Variants in WASHC2A observed in about 807,000 individuals in gnomAD.
WASHC2A encodes WASH complex subunit 2A, also known as WASH complex subunit FAM21A.
A neutral mutation model predicts 140.3 loss-of-function variants in WASHC2A; 82 were observed. The observed-to-expected ratio is 0.58, with a 90% CI of 0.49 to 0.70. The LOEUF (loss-of-function observed/expected upper bound fraction) is 0.70. WASHC2A is among the 30% of genes least tolerant of loss of function. WASHC2A has a pLI of 0.00. For synonymous variants in WASHC2A, 340 were observed against 560.8 expected (o/e 0.61, Z 5.56); for missense variants, 985 against 1,521.8 (o/e 0.65, Z 5.87).
intron 17 of WASHC2A, among the ~76,000 whole-genome samples, chr10:50,103,447 C>T (rs2132748519): frequency 6.6e-6 from 1 of 152,222 alleles, no homozygotes; most frequent in East Asian, 1.9e-4. Context: ...GTAGTCTCAG[C>T]TACTCAGGAG....
rs1288557176 is a variant in WASHC2A at position 50,105,940 on chromosome 10, G to A, written c.1738-394G>A. On this transcript the variant is annotated intron_variant, in intron 18 of 30. Transcript: ENST00000282633. The stretch of plus-strand genomic sequence containing the variant: ...CAGCCATTGTTCTGGTTTCTCATTC[G>A]TGGAGACAACAGTGTGAGTTTCTGG... 1.1e-4 allele frequency among the ~76,000 whole-genome samples: 16 copies of A among 151,856 alleles called. No individual in the cohort carries two copies. In the East Asian group the frequency reaches 2.5e-3, roughly 24 times the overall value.
At chr10:50,124,218 C>T (rs1408841115) in intron 23 of WASHC2A, among the ~76,000 whole-genome samples, 1 of 152,012 alleles carries the variant, frequency 6.6e-6, no homozygotes, top group Non-Finnish European at 1.5e-5. Context: ...ATTCTCCCAC[C>T]TCAGCCTCCC....
At chr10:50,089,032 T>C (rs1236562259) in intron 8 of WASHC2A, among the ~76,000 whole-genome samples, 4 of 150,898 alleles carry the variant, frequency 2.7e-5, no homozygotes, top group Non-Finnish European at 4.4e-5. Context: ...TGGCACGATA[T>C]TGGTTCACTA....
intron 21 of WASHC2A, 86 bp from the exon 22 acceptor site, chr10:50,117,820 A>G (rs1554892371): frequency 1.5e-6 from 1 of 674,118 alleles, no homozygotes; most frequent in African/African-American, 1.9e-5. Context: ...CCCTAAGAGG[A>G]TGGTTTGGGC....
Position 50,131,347 on chromosome 10 carries a change from C to T in WASHC2A, c.3886+269C>T, listed in dbSNP as rs1843944703. 6.4e-6 allele frequency: 4 copies of T among 628,648 alleles called. No homozygotes were observed. The Admixed American group carries it at 8.9e-5, about 14-fold the overall frequency. 38.9% of individuals were successfully genotyped at this position (628,648 alleles called of 1,614,324 possible). ...TAACTTTGATCTCAGTGCACCTCACCAATCATCTGTGACACACCCCGGTGT... is the reference window on the plus strand; with the variant it reads ...TAACTTTGATCTCAGTGCACCTCACTAATCATCTGTGACACACCCCGGTGT... On this transcript the variant is annotated intron_variant, in intron 30 of 30. Transcript: ENST00000282633.
chr10:50,103,460 A>T lies in WASHC2A; in HGVS notation c.1636-582A>T, dbSNP rs1361434501. ...CTGTAGTCTCAGCTACTCAGGAGGC[A>T]GAGGCAGGAGAATGGCGTGAATCCG... On this transcript the variant is annotated intron_variant, in intron 17 of 30. Coordinates refer to ENST00000282633, the MANE Select transcript of WASHC2A (RefSeq NM_001005751.3). 6.2e-4 allele frequency among the ~76,000 whole-genome samples: 94 copies of T among 152,226 alleles called. 1 individual carries two copies. Among genetic ancestry groups the T allele is most frequent in the African/African-American group, 2.2e-3 (92 of 41,548 alleles).
At chr10:50,112,151 AG>A (rs1842344466) in intron 20 of WASHC2A, 1 of 984,110 alleles carries the variant, frequency 1.0e-6, no homozygotes, top group Non-Finnish European at 1.2e-6. Context: ...CACTGTATCC[AG>A]GTTAGCTTAT....
intron 13 of WASHC2A, among the ~76,000 whole-genome samples, chr10:50,094,529 C>A (rs1171556484): frequency 3.9e-5 from 6 of 152,164 alleles, no homozygotes; most frequent in African/African-American, 1.4e-4. Context: ...AAATGTTACT[C>A]CATAGGTTTG....
Position 50,095,760 on chromosome 10 carries a change from A to C in WASHC2A, c.1402A>C (p.Ser468Arg). Residue 468 changes from serine to arginine, a missense_variant, in exon 15 of 31, where the codon AGC becomes CGC. Coordinates refer to ENST00000282633, the MANE Select transcript of WASHC2A (RefSeq NM_001005751.3). ...TGACGACTTTTTCTCGGCACCCCAC[A>C]GCAAACCTTCTAAAACAGGTATGTG... ...DDDDFFSAPHSKPSKTGKVQS... is the reference protein window; with the variant it reads ...DDDDFFSAPHRKPSKTGKVQS... 3.7e-6 allele frequency: 6 copies of C among 1,600,642 alleles called. No individual in the cohort carries two copies. The highest frequency in any genetic ancestry group is 1.1e-5 in the South Asian group (1 of 90,506).
At chr10:50,130,263 G>T (rs1843827926) in intron 29 of WASHC2A, among the ~76,000 whole-genome samples, 1 of 149,636 alleles carries the variant, frequency 6.7e-6, no homozygotes, top group South Asian at 2.2e-4. Flanking sequence ...CATGATCATT[G>T]ATACTGGTCT....
At chr10:50,127,465 G>A (rs907031773) in intron 27 of WASHC2A, 118 bp from the exon 28 acceptor site, 11 of 1,609,090 alleles carry the variant, frequency 6.8e-6, no homozygotes, top group Middle Eastern at 2.2e-4. Context: ...ATTTTCCTAC[G>A]TTTCTCTACT....
chr10:50,111,987 C>T (rs1313290435), intron 20 of WASHC2A, among the ~76,000 whole-genome samples: 1 of 152,062 alleles, frequency 6.6e-6, no homozygotes, highest in Non-Finnish European at 1.5e-5. Flanking sequence ...AAGATCTCAC[C>T]ACTGCACTCC....
intron 23 of WASHC2A, among the ~76,000 whole-genome samples, chr10:50,120,215 A>G (rs1842913051): frequency 6.7e-6 from 1 of 148,180 alleles, no homozygotes; most frequent in Non-Finnish European, 1.5e-5. Context: ...TTTGCAGCCT[A>G]TTTGGGCTCT....
chr10:50,097,874 G>A, intron 16 of WASHC2A, 72 bp downstream of exon 16: 12 of 1,609,460 alleles, frequency 7.5e-6, no homozygotes, highest in Non-Finnish European at 1.0e-5. Flanking sequence ...TGAACCCAGA[G>A]GGAAGTGCTG....
rs1844127198 is a variant in WASHC2A, at chr10:50,133,075, T to G, written c.*130T>G. 1.9e-5 allele frequency: 29 copies of G among 1,561,188 alleles called. No homozygotes were observed. Among genetic ancestry groups the G allele is most frequent in the Non-Finnish European group, 2.5e-5 (29 of 1,151,796 alleles). Reference sequence around the variant, plus strand: ...AACAGCTAGCTCATCGTTCACCCAATGTACTTGGTATTTTTCTGCACTGGT... The same window carrying G: ...AACAGCTAGCTCATCGTTCACCCAAGGTACTTGGTATTTTTCTGCACTGGT... On this transcript the variant is annotated 3_prime_UTR_variant, in exon 31 of 31. Coordinates refer to ENST00000282633, the MANE Select transcript of WASHC2A (RefSeq NM_001005751.3).
At chr10:50,069,488 G>A (rs1837601245) in intron 2 of WASHC2A, 59 bp from the exon 3 acceptor site, 1 of 1,532,420 alleles carries the variant, frequency 6.5e-7, no homozygotes, top group Non-Finnish European at 8.8e-7. Context: ...TTTTTGATGT[G>A]ACATGCAGAA....
intron 3 of WASHC2A, 115 bp from the exon 4 acceptor site, chr10:50,078,560 T>C (rs1838589931): frequency 6.8e-6 from 11 of 1,608,534 alleles, no homozygotes; most frequent in Admixed American, 5.1e-5. Flanking sequence ...AGCCCTTTGC[T>C]GAATAACCAT....
intron 26 of WASHC2A, 44 bp downstream of exon 26, chr10:50,126,223 C>T: frequency 1.9e-6 from 3 of 1,611,904 alleles, no homozygotes; most frequent in Non-Finnish European, 2.5e-6. Flanking sequence ...GTTTGCATCC[C>T]AGTACAGAGA....
chr10:50,084,856 C>T (rs1269596099), intron 6 of WASHC2A, among the ~76,000 whole-genome samples: 2 of 148,332 alleles, frequency 1.3e-5, no homozygotes, highest in South Asian at 2.2e-4. Flanking sequence ...CTACCTCAGC[C>T]TCCTGAGTAG....
Sources: gnomAD v4.1 joint callset for allele counts (sites outside exome capture counted in the v4.1 genomes callset) on GRCh38, gnomAD v4.1.1 for gene constraint, MANE v1.5 for transcripts, NCBI Gene and HGNC (gene_info 2026-07-23, HGNC 2026-07-21) for gene names.